USP34: variants seen among roughly 807,000 people sequenced by gnomAD.
USP34 encodes the protein ubiquitin carboxyl-terminal hydrolase 34.
USP34 carries 70 observed loss-of-function variants against 460.3 expected under a neutral mutation model. The ratio of observed to expected loss-of-function variants is 0.15; its 90% CI spans 0.13 to 0.19. The LOEUF (loss-of-function observed/expected upper bound fraction) is 0.19, where lower values mean the gene tolerates loss of function less well. Among genes scored for constraint, USP34 ranks in the 10% least tolerant of loss-of-function variants. The probability of loss-of-function intolerance (pLI) is 1.00; values close to 1 mark genes in which losing one functional copy is unlikely to be tolerated. For synonymous variants in USP34, 1,647 were observed against 1,405.3 expected (o/e 1.17, Z -3.85); for missense variants, 3,985 against 4,236.2 (o/e 0.94, Z 1.65).
At chr2:61,284,194 A>T (rs539818179) in intron 35 of USP34, among the ~76,000 whole-genome samples, 15 of 152,320 alleles carry the variant, frequency 9.8e-5, no homozygotes, top group African/African-American at 3.6e-4. Context: ...AGTGCTCATG[A>T]TTTAGTTACT....
In USP34 at chr2:61,282,963, A is replaced by G. The variant is rs140134970; in HGVS notation, c.4998+182T>C. Among the ~76,000 whole-genome samples the G allele has an allele frequency of 3.2e-3, 488 of 152,340 alleles. 2 individuals carry two copies. Among genetic ancestry groups the G allele is most frequent in the Non-Finnish European group, 5.1e-3 (350 of 68,030 alleles). On this transcript the variant is annotated intron_variant, in intron 37 of 79. Coordinates refer to ENST00000398571, the MANE Select transcript of USP34 (RefSeq NM_014709.4). ...ATATAAATGCTACATAATATATAATAGTCAGAAGTTCTTAAACATTGTACA... is the reference window on the plus strand; with the variant it reads ...ATATAAATGCTACATAATATATAATGGTCAGAAGTTCTTAAACATTGTACA...
chr2:61,428,401 G>C (rs746288787), intron 1 of USP34, among the ~76,000 whole-genome samples: 2 of 152,096 alleles, frequency 1.3e-5, no homozygotes, highest in Non-Finnish European at 2.9e-5. Context: ...TCCTGATACA[G>C]ATAGTCCACC....
rs1008498305 is a variant in USP34 at position 61,435,241 on chromosome 2, C to G, written c.44-14408G>C. ...ATCACCTGAGTCCAGGAAGTCAAGG[C>G]TGCAATAAGCTTTAATTGCGCCACT... On this transcript the variant is annotated intron_variant, in intron 1 of 79. Transcript: ENST00000398571. Among the ~76,000 whole-genome samples, 4 of 130,124 alleles carry G rather than the reference C, an allele frequency of 3.1e-5. No individual in the cohort carries two copies. In the South Asian group the frequency reaches 7.5e-4, roughly 24 times the overall value. The allele number at this position is 130,124 out of a possible 152,430, so 85.4% of individuals were successfully genotyped here. A position where few individuals can be genotyped will look rare whatever the true frequency, so the allele number is the denominator to read the frequency against.
At chr2:61,341,749 GTCTTTC>G (rs1355335732) in intron 16 of USP34, among the ~76,000 whole-genome samples, 7 of 144,426 alleles carry the variant, frequency 4.8e-5, no homozygotes, top group African/African-American at 1.5e-4. Flanking sequence ...CCAGACTCAG[GTCTTTC>G]TTTTTTTTTT....
intron 27 of USP34, among the ~76,000 whole-genome samples, chr2:61,305,838 TCA>T (rs1395979419): frequency 6.6e-6 from 1 of 152,072 alleles, no homozygotes; most frequent in Non-Finnish European, 1.5e-5. Context: ...CCAATTCAGG[TCA>T]CAAACTTTGC....
At chr2:61,383,121 A>G (rs1693024185) in intron 6 of USP34, 148 bp downstream of exon 6, 1 of 461,104 alleles carries the variant, frequency 2.2e-6, no homozygotes, top group African/African-American at 2.0e-5. Context: ...ATATATGTGC[A>G]TAAAAAACAC....
At position 61,286,349 on chromosome 2, in the gene USP34, T is replaced by C. The variant is rs1318919835; in HGVS notation, c.4750-1392A>G. On this transcript the variant is annotated intron_variant, in intron 34 of 79. Transcript: ENST00000398571. ...CAAAAACTATATAATATACACCTTT[T>C]CTAAAATTAAAAAAAAATAACATTG... 2.0e-5 allele frequency among the ~76,000 whole-genome samples: 3 copies of C among 151,972 alleles called. 1 individual carries two copies. In the East Asian group the frequency reaches 5.8e-4, roughly 29 times the overall value.
At chr2:61,449,640 T>A (rs1435241591) in intron 1 of USP34, among the ~76,000 whole-genome samples, 2 of 151,982 alleles carry the variant, frequency 1.3e-5, no homozygotes, top group African/African-American at 2.4e-5. Context: ...TGAAACAGAA[T>A]ACAGAGTACA....
chr2:61,365,913 A>C (rs79198898), intron 10 of USP34, among the ~76,000 whole-genome samples: 4,088 of 151,330 alleles, frequency 0.027, 192 homozygotes, highest in African/African-American at 0.094. Context: ...AAACTTACAC[A>C]TTTCTGAAAG....
At chr2:61,436,836 C>T (rs1341925470) in intron 1 of USP34, among the ~76,000 whole-genome samples, 1 of 152,138 alleles carries the variant, frequency 6.6e-6, no homozygotes, top group African/African-American at 2.4e-5. Context: ...AAAATCATGT[C>T]AGCTATCTTC....
At position 61,254,040 on chromosome 2, in the gene USP34, C is replaced by T. The variant is rs184069374; in HGVS notation, c.6221+2344G>A. Among the ~76,000 whole-genome samples the T allele has an allele frequency of 1.9e-3, 288 of 152,262 alleles. 2 individuals are homozygous for T. The highest frequency in any genetic ancestry group is 3.2e-4 in the Non-Finnish European group (22 of 68,006). On this transcript the variant is annotated intron_variant, in intron 48 of 79. Transcript: ENST00000398571. ...ATGTGCCACCGTGCCTGGCCTGTTGCCAAACTTTAAAAATCAATGATTTAT... is the reference window on the plus strand; with the variant it reads ...ATGTGCCACCGTGCCTGGCCTGTTGTCAAACTTTAAAAATCAATGATTTAT...
chr2:61,440,946 T>G (rs1694947693), intron 1 of USP34, among the ~76,000 whole-genome samples: 2 of 151,044 alleles, frequency 1.3e-5, no homozygotes, highest in South Asian at 2.1e-4. Flanking sequence ...GCTAACACGG[T>G]GAAACCCCGT....
intron 1 of USP34, among the ~76,000 whole-genome samples, chr2:61,450,994 C>G (rs930920256): frequency 6.6e-6 from 1 of 151,016 alleles, no homozygotes; most frequent in Non-Finnish European, 1.5e-5. Flanking sequence ...CCAAGGCAGG[C>G]GGATCACGAG....
chr2:61,470,461 T>C (rs1464675132), intron 1 of USP34, among the ~76,000 whole-genome samples, 189 bp downstream of exon 1: 1 of 149,068 alleles, frequency 6.7e-6, no homozygotes, highest in Non-Finnish European at 1.5e-5. Context: ...GGCGCCCAGG[T>C]AACCCGGCCG....
intron 2 of USP34, chr2:61,416,810 C>CT (rs538222690): frequency 0.014 from 4,557 of 330,958 alleles, 1 homozygote; most frequent in Middle Eastern, 0.031. Context: ...CCTCCCTAAT[C>CT]TTTTTTTTTT....
Position 61,360,681 on chromosome 2 carries a change from G to A in USP34, c.1251+9640C>T, listed in dbSNP as rs569511531. ...AATGGCAGTCTTTTGTTTTGAGACA[G>A]GGTCTCATTTTGTCAGCCAAGCTGG... On this transcript the variant is annotated intron_variant, in intron 10 of 79. Coordinates refer to ENST00000398571, the MANE Select transcript of USP34 (RefSeq NM_014709.4). 2.0e-5 allele frequency among the ~76,000 whole-genome samples: 3 copies of A among 152,262 alleles called. No homozygotes were observed. The East Asian group carries it at 5.8e-4, about 29-fold the overall frequency.
At chr2:61,464,110 T>C (rs1695690256) in intron 1 of USP34, among the ~76,000 whole-genome samples, 2 of 152,188 alleles carry the variant, frequency 1.3e-5, no homozygotes, top group African/African-American at 4.8e-5. Flanking sequence ...CCTGACATCA[T>C]TAGTTCAAGA....
chr2:61,304,669 C>G (rs1690345856), intron 27 of USP34, among the ~76,000 whole-genome samples: 1 of 152,188 alleles, frequency 6.6e-6, no homozygotes, highest in Non-Finnish European at 1.5e-5. Flanking sequence ...GCACCTTGAT[C>G]TTGGAATTCC....
At chr2:61,189,243 C>T in intron 78 of USP34, 174 bp from the exon 79 acceptor site, 2 of 613,840 alleles carry the variant, frequency 3.3e-6, no homozygotes. Flanking sequence ...TAAGATACTA[C>T]AGCATTTCAT....
Sources: gnomAD v4.1 joint callset for allele counts (sites outside exome capture counted in the v4.1 genomes callset) on GRCh38, gnomAD v4.1.1 for gene constraint, MANE v1.5 for transcripts, NCBI Gene and HGNC (gene_info 2026-07-23, HGNC 2026-07-21) for gene names.